MYO3A: variants seen among roughly 807,000 people sequenced by gnomAD.
MYO3A encodes the protein myosin-IIIa.
Under a neutral mutation model 192.7 loss-of-function variants are expected in MYO3A, and 180 were observed. The observed-to-expected ratio is 0.93, with a 90% CI of 0.83 to 1.06. The LOEUF (loss-of-function observed/expected upper bound fraction) is 1.06, where lower values mean the gene tolerates loss of function less well. Among genes scored for constraint, MYO3A ranks in the 50% least tolerant of loss-of-function variants. The pLI, the probability that MYO3A is intolerant of heterozygous loss-of-function variation, is 0.00. For missense variants in MYO3A, 1,896 were observed against 1,905.0 expected (o/e 1.00, Z 0.09); for synonymous variants, 628 against 645.3 (o/e 0.97, Z 0.41).
At position 26,174,485 on chromosome 10, in the gene MYO3A, G is replaced by C. The variant is rs1317184919; in HGVS notation, c.4221G>C (p.Lys1407Asn). Residue 1407 changes from lysine to asparagine, a missense_variant, in exon 30 of 35, where the codon AAG (lysine) becomes AAC (asparagine). Coordinates refer to ENST00000642920, the MANE Select transcript of MYO3A (RefSeq NM_017433.5). The stretch of plus-strand genomic sequence containing the variant: ...AACATGAGGAAATCAATAACATCAA[G>C]AAGAAGGATAACAAAGACTCGAAAG... Reference protein sequence around the residue: ...PTKHEEINNIKKKDNKDSKAT... With the variant: ...PTKHEEINNINKKDNKDSKAT... The C allele has an allele frequency of 9.9e-6, 16 of 1,613,942 alleles. No individual in the cohort carries two copies. Among genetic ancestry groups the C allele is most frequent in the Non-Finnish European group, 1.3e-5 (15 of 1,180,004 alleles).
chr10:26,198,048 C>T (rs542612120), intron 32 of MYO3A, among the ~76,000 whole-genome samples: 5 of 152,066 alleles, frequency 3.3e-5, no homozygotes, highest in Non-Finnish European at 5.9e-5. Flanking sequence ...TAGTACAGTA[C>T]TCTCAGGGGC....
intron 2 of MYO3A, among the ~76,000 whole-genome samples, chr10:25,949,117 C>T (rs1399821800): frequency 6.6e-6 from 1 of 152,054 alleles, no homozygotes; most frequent in African/African-American, 2.4e-5. Flanking sequence ...GCACTTTATG[C>T]ATATTCTTAT....
At chr10:26,023,679 C>T (rs556233487) in intron 8 of MYO3A, among the ~76,000 whole-genome samples, 7 of 151,992 alleles carry the variant, frequency 4.6e-5, no homozygotes, top group Non-Finnish European at 8.8e-5. Context: ...CATTGGGACT[C>T]ATAGGAAAAA....
chr10:25,973,824 A>G (rs1437630287), intron 4 of MYO3A, among the ~76,000 whole-genome samples: 1 of 152,212 alleles, frequency 6.6e-6, no homozygotes, highest in Admixed American at 6.5e-5. Flanking sequence ...AAACCAGACA[A>G]AAACAAGCAA....
Position 26,125,405 on chromosome 10 carries a change from T to C in MYO3A, c.1911T>C (p.Ser637=). Reference sequence around the variant, plus strand: ...CATCTGTTTGTTTTTCAGGTGCTTCTTTGCTTTGCATTCGGGCAGATGAGC... The same window carrying C: ...CATCTGTTTGTTTTTCAGGTGCTTCCTTGCTTTGCATTCGGGCAGATGAGC... The part of the protein sequence containing the change: ...SNHTALENCA[S]LLCIRADELQ... The change falls in exon 19 of 35, where the codon TCT becomes TCC. Residue 637 remains serine (S), a synonymous_variant. Coordinates refer to ENST00000642920, the MANE Select transcript of MYO3A (RefSeq NM_017433.5). 1.2e-6 allele frequency: 2 copies of C among 1,614,018 alleles called. No individual in the cohort carries two copies. The highest frequency in any genetic ancestry group is 1.7e-6 in the Non-Finnish European group (2 of 1,179,902).
In MYO3A at chr10:25,944,437, T is replaced by C. The variant is rs545305199; in HGVS notation, c.-17-7657T>C. On this transcript the variant is annotated intron_variant, in intron 2 of 34. Transcript: ENST00000642920. ...AGTATGAGTTAGGAAGTGTGCCCTC[T>C]TTTTAATATTTTTGGAAGAGTTTGA... Among the ~76,000 whole-genome samples the C allele has an allele frequency of 3.3e-5, 5 of 152,168 alleles. No individual in the cohort carries two copies. The East Asian group carries it at 9.6e-4, about 29-fold the overall frequency.
intron 17 of MYO3A, among the ~76,000 whole-genome samples, chr10:26,101,531 G>A (rs184598921): frequency 6.6e-6 from 1 of 152,258 alleles, no homozygotes; most frequent in Admixed American, 6.5e-5. Flanking sequence ...GCAGTGGCTG[G>A]TACCAGTTGT....
intron 4 of MYO3A, among the ~76,000 whole-genome samples, chr10:25,965,755 T>C (rs894408645): frequency 6.6e-6 from 1 of 152,074 alleles, no homozygotes; most frequent in Non-Finnish European, 1.5e-5. Flanking sequence ...CTGCCTAGGC[T>C]GAGTTTAAAT....
At chr10:25,978,853 G>T (rs529699703) in intron 4 of MYO3A, among the ~76,000 whole-genome samples, 1 of 152,056 alleles carries the variant, frequency 6.6e-6, no homozygotes, top group African/African-American at 2.4e-5. Context: ...TTTTCAGAAA[G>T]ATTTGCATAT....
intron 17 of MYO3A, among the ~76,000 whole-genome samples, chr10:26,114,137 C>A (rs1337510785): frequency 6.6e-6 from 1 of 152,120 alleles, no homozygotes; most frequent in Non-Finnish European, 1.5e-5. Context: ...CCTTTCTCAA[C>A]AGGAGCATCA....
At chr10:25,940,972 C>T (rs1273104100) in intron 2 of MYO3A, among the ~76,000 whole-genome samples, 1 of 152,170 alleles carries the variant, frequency 6.6e-6, no homozygotes, top group Non-Finnish European at 1.5e-5. Flanking sequence ...TTGGAAACTT[C>T]TCAGTCATTA....
At position 26,168,238 on chromosome 10, in the gene MYO3A, G is replaced by A. The variant is rs184922242; in HGVS notation, c.3112-474G>A. 7.4e-4 allele frequency among the ~76,000 whole-genome samples: 112 copies of A among 152,200 alleles called. 2 individuals carry two copies. Among genetic ancestry groups the A allele is most frequent in the Admixed American group, 6.7e-3 (102 of 15,282 alleles). ...TCATCTCTGTATCCCCAGCAGATAC[G>A]TACCTGTAACAGGTCTCAATAACAT... On this transcript the variant is annotated intron_variant, in intron 27 of 34. Coordinates refer to ENST00000642920, the MANE Select transcript of MYO3A (RefSeq NM_017433.5).
At chr10:26,071,851 T>A (rs979107266) in intron 14 of MYO3A, among the ~76,000 whole-genome samples, 6 of 152,162 alleles carry the variant, frequency 3.9e-5, no homozygotes, top group Non-Finnish European at 7.3e-5. Context: ...AAATGGCTAG[T>A]GTTTTTTAAT....
intron 10 of MYO3A, among the ~76,000 whole-genome samples, chr10:26,042,126 T>C (rs970740684): frequency 1.3e-5 from 2 of 152,152 alleles, no homozygotes; most frequent in Admixed American, 1.3e-4. Context: ...CATCAGCACT[T>C]TACATATGTC....
intron 27 of MYO3A, among the ~76,000 whole-genome samples, chr10:26,167,750 A>C (rs528554656): frequency 1.3e-5 from 2 of 152,332 alleles, no homozygotes; most frequent in Admixed American, 1.3e-4. Flanking sequence ...GTAGAAATTA[A>C]AACTGAATTA....
At chr10:26,103,852 T>G (rs1837625289) in intron 17 of MYO3A, among the ~76,000 whole-genome samples, 1 of 152,312 alleles carries the variant, frequency 6.6e-6, no homozygotes, top group African/African-American at 2.4e-5. Flanking sequence ...CGTCAACACT[T>G]ATTGTTATCT....
Position 25,997,303 on chromosome 10 carries a change from T to C in MYO3A, c.508+45T>C, listed in dbSNP as rs1175134503. ...CATGAGTTTTAACTCCATAATGAAC[T>C]AGTATGATATGATTTGATCTTTTTC... On this transcript the variant is annotated intron_variant, in intron 6 of 34. Coordinates refer to ENST00000642920, the MANE Select transcript of MYO3A (RefSeq NM_017433.5). The C allele has an allele frequency of 8.2e-6, 11 of 1,337,286 alleles. 1 individual carries two copies. The Admixed American group carries it at 1.2e-4, about 14-fold the overall frequency. The allele number at this position is 1,337,286 out of a possible 1,614,324, so 82.8% of individuals were successfully genotyped here. A position where few individuals can be genotyped will look rare whatever the true frequency, so the allele number is the denominator to read the frequency against.
chr10:26,199,951 A>G (rs1277313144), intron 32 of MYO3A, among the ~76,000 whole-genome samples: 3 of 152,198 alleles, frequency 2.0e-5, no homozygotes, highest in Non-Finnish European at 2.9e-5. Flanking sequence ...CACAACAAAC[A>G]GCACCCCAGT....
rs1231170483 is a variant in MYO3A, at chr10:26,143,479, G to T, written c.2294G>T (p.Arg765Ile). 6.2e-7 allele frequency: 1 copy of T among 1,613,018 alleles called. No homozygotes were observed. The highest frequency in any genetic ancestry group is 8.5e-7 in the Non-Finnish European group (1 of 1,179,130). ...NEYLNEDVDARVIEYEDNWPL... is the reference protein window; with the variant it reads ...NEYLNEDVDAIVIEYEDNWPL... ...TACCTAAATGAAGATGTGGATGCTA[G>T]AGTTATTGAATATGAGGATAACTGG... Residue 765 changes from arginine to isoleucine, a missense_variant, in exon 21 of 35, where the codon AGA becomes ATA. Coordinates refer to ENST00000642920, the MANE Select transcript of MYO3A (RefSeq NM_017433.5).
Sources: allele counts gnomAD v4.1 joint callset (sites outside exome capture counted in the v4.1 genomes callset), GRCh38; gene constraint gnomAD v4.1.1; transcripts MANE v1.5; gene names NCBI Gene and HGNC (gene_info 2026-07-23, HGNC 2026-07-21).